The following TMEM74 variants were observed in gnomAD, a reference collection of about 807,000 sequenced individuals.
TMEM74 encodes the protein transmembrane protein 74.
TMEM74 carries 13 observed loss-of-function variants against 18.1 expected under a neutral mutation model. The observed-to-expected ratio is 0.72, with a 90% CI of 0.47 to 1.14. The LOEUF is 1.14. Among genes scored for constraint, TMEM74 ranks in the 50% most tolerant of loss-of-function variants. The pLI is 0.00. For missense variants in TMEM74, 372 were observed against 375.9 expected (o/e 0.99, Z 0.09); for synonymous variants, 159 against 146.6 (o/e 1.08, Z -0.61).
At chr8:108,735,755 T>C (rs1347823584) in intron 1 of TMEM74, among the ~76,000 whole-genome samples, 1 of 152,144 alleles carries the variant, frequency 6.6e-6, no homozygotes, top group Non-Finnish European at 1.5e-5. Flanking sequence ...TCATATGGCA[T>C]CTTTATCTTT....
At chr8:108,765,238 G>A (rs1814090854) in intron 1 of TMEM74, among the ~76,000 whole-genome samples, 1 of 152,050 alleles carries the variant, frequency 6.6e-6, no homozygotes, top group South Asian at 2.1e-4. Flanking sequence ...GTTCAGGTCT[G>A]ACAAACCTGC....
intron 1 of TMEM74, among the ~76,000 whole-genome samples, chr8:108,771,384 C>T (rs899189313): frequency 6.6e-6 from 1 of 151,692 alleles, no homozygotes; most frequent in Non-Finnish European, 1.5e-5. Flanking sequence ...TAAATGTTTG[C>T]TAAAAAATTT....
At chr8:108,777,604 C>CA (rs1199426084), downstream of TMEM74, among the ~76,000 whole-genome samples, 1 of 152,062 alleles carries the variant, frequency 6.6e-6, no homozygotes, top group Non-Finnish European at 1.5e-5. Context: ...ATAATAAGCG[C>CA]AAAATAAAAC....
Position 108,615,819 on chromosome 8 carries a change from C to CTTTTTTTTTTTTT in TMEM74, n.265-7006_265-6994dup, listed in dbSNP as rs71564011. On this transcript the variant is annotated intron_variant and non_coding_transcript_variant, in intron 2 of 3. Coordinates refer to the TMEM74 transcript ENST00000518838. The stretch of plus-strand genomic sequence containing the variant: ...TGCAATGATTGGGATTGCATGGGAG[C>CTTTTTTTTTTTTT]TTTTTTTTTTTTTTTTTTTTTTTGG... Among the ~76,000 whole-genome samples the CTTTTTTTTTTTTT allele has an allele frequency of 1.4e-4, 11 of 76,454 alleles. 1 individual carries two copies. The highest frequency in any genetic ancestry group is 5.1e-4 in the Admixed American group (3 of 5,906). The allele number at this position is 76,454 out of a possible 152,430, so 50.2% of individuals were successfully genotyped here.
chr8:108,754,887 G>A (rs1813941725), intron 1 of TMEM74, among the ~76,000 whole-genome samples: 1 of 151,950 alleles, frequency 6.6e-6, no homozygotes, highest in Non-Finnish European at 1.5e-5. Flanking sequence ...CAGCTTAGGA[G>A]TAAGGCAGAG....
chr8:108,693,876 A>G (rs1368875393), intron 1 of TMEM74, among the ~76,000 whole-genome samples: 1 of 152,238 alleles, frequency 6.6e-6, no homozygotes, highest in Non-Finnish European at 1.5e-5. Context: ...TACTTTAATG[A>G]CCACGTAGCT....
At chr8:108,692,825 T>C (rs11774262) in intron 1 of TMEM74, among the ~76,000 whole-genome samples, 37,679 of 152,108 alleles carry the variant, frequency 0.25, 4,883 homozygotes, top group South Asian at 0.32. Flanking sequence ...ATTTGCATGA[T>C]AATTGCCTGT....
At chr8:108,771,737 G>A (rs1003663692) in intron 1 of TMEM74, among the ~76,000 whole-genome samples, 1 of 151,870 alleles carries the variant, frequency 6.6e-6, no homozygotes, top group Admixed American at 6.6e-5. Flanking sequence ...AGGTTTTTTT[G>A]GTATTTCCTT....
At chr8:108,620,496 A>G (rs533653151) in intron 2 of TMEM74, among the ~76,000 whole-genome samples, 1 of 152,280 alleles carries the variant, frequency 6.6e-6, no homozygotes, top group East Asian at 1.9e-4. Flanking sequence ...TAAGCCTTTA[A>G]CAATTTTAGA....
chr8:108,616,873 T>C (rs1711771607), intron 2 of TMEM74, among the ~76,000 whole-genome samples: 1 of 151,996 alleles, frequency 6.6e-6, no homozygotes, highest in African/African-American at 2.4e-5. Flanking sequence ...CTTAGATGAT[T>C]ATTATAAATA....
chr8:108,778,835 T>C (rs1814267913), downstream of TMEM74, among the ~76,000 whole-genome samples: 1 of 152,170 alleles, frequency 6.6e-6, no homozygotes, highest in Non-Finnish European at 1.5e-5. Context: ...TATTTTTCCA[T>C]ATCATAAAAT....
At chr8:108,638,379 T>C (rs1271676078) in intron 2 of TMEM74, among the ~76,000 whole-genome samples, 1 of 152,124 alleles carries the variant, frequency 6.6e-6, no homozygotes, top group Non-Finnish European at 1.5e-5. Flanking sequence ...AAATGTTCTT[T>C]TGTTATTTCA....
At chr8:108,638,385 T>A (rs1234102689) in intron 2 of TMEM74, among the ~76,000 whole-genome samples, 1 of 152,132 alleles carries the variant, frequency 6.6e-6, no homozygotes, top group African/African-American at 2.4e-5. Flanking sequence ...TCTTTTGTTA[T>A]TTCATTTTTT....
chr8:108,616,658 A>G (rs1313609683), intron 2 of TMEM74, among the ~76,000 whole-genome samples: 2 of 152,200 alleles, frequency 1.3e-5, no homozygotes, highest in African/African-American at 2.4e-5. Context: ...TTTCATGCCA[A>G]CATAAGAAGA....
At chr8:108,724,997 C>T (rs563825571) in intron 1 of TMEM74, among the ~76,000 whole-genome samples, 1 of 152,336 alleles carries the variant, frequency 6.6e-6, no homozygotes, top group South Asian at 2.1e-4. Flanking sequence ...GCCAACCAGC[C>T]TGGGCATTTC....
chr8:108,762,639 A>C (rs1450026543), intron 1 of TMEM74, among the ~76,000 whole-genome samples: 1 of 152,062 alleles, frequency 6.6e-6, no homozygotes, highest in Non-Finnish European at 1.5e-5. Context: ...CCCATGATAC[A>C]TTCTCATATC....
chr8:108,733,670 ATTTG>A (rs1473059179), intron 1 of TMEM74, among the ~76,000 whole-genome samples: 24 of 152,204 alleles, frequency 1.6e-4, no homozygotes, highest in Non-Finnish European at 3.5e-4. Context: ...TATCTTCCAG[ATTTG>A]TTTATTATCA....
At chr8:108,727,823 G>A (rs1219566283) in intron 1 of TMEM74, among the ~76,000 whole-genome samples, 2 of 152,156 alleles carry the variant, frequency 1.3e-5, no homozygotes, top group African/African-American at 2.4e-5. Context: ...AGCCTGGGAA[G>A]AAGGTAATAG....
intron 1 of TMEM74, among the ~76,000 whole-genome samples, chr8:108,701,731 C>G (rs1457968480): frequency 2.0e-5 from 3 of 151,828 alleles, no homozygotes; most frequent in African/African-American, 7.3e-5. Context: ...AACTCTGATG[C>G]AAGAAATCAA....
Sources: allele counts gnomAD v4.1 joint callset (sites outside exome capture counted in the v4.1 genomes callset), GRCh38; gene constraint gnomAD v4.1.1; transcripts MANE v1.5; gene names NCBI Gene and HGNC (gene_info 2026-07-23, HGNC 2026-07-21).